HECW2: variants seen among roughly 807,000 people sequenced by gnomAD.
The protein encoded by HECW2 is HECT, C2 and WW domain containing E3 ubiquitin protein ligase 2.
Under a neutral mutation model 175.2 loss-of-function variants are expected in HECW2, and 61 were observed. The ratio of observed to expected loss-of-function variants is 0.35; its 90% confidence interval spans 0.28 to 0.43. The LOEUF is 0.43. HECW2 is among the 20% of genes least tolerant of loss of function. HECW2 has a pLI of 1.00. For synonymous variants in HECW2, 671 were observed against 731.0 expected (o/e 0.92, Z 1.32); for missense variants, 1,524 against 2,000.5 (o/e 0.76, Z 4.54).
chr2:196,268,687 G>C (rs1487595269), intron 17 of HECW2, among the ~76,000 whole-genome samples: 1 of 152,210 alleles, frequency 6.6e-6, no homozygotes, highest in African/African-American at 2.4e-5. Context: ...AAAACTTCTT[G>C]AGTTTCCTGT....
intron 1 of HECW2, among the ~76,000 whole-genome samples, chr2:196,554,645 TC>T (rs746990804): frequency 2.6e-5 from 4 of 152,214 alleles, no homozygotes; most frequent in Non-Finnish European, 4.4e-5. Flanking sequence ...TAACCTGCTT[TC>T]TAAAATCACT....
intron 2 of HECW2, among the ~76,000 whole-genome samples, chr2:196,400,632 G>A (rs1694791416): frequency 6.6e-6 from 1 of 151,992 alleles, no homozygotes; most frequent in South Asian, 2.1e-4. Context: ...GACCTTCTTG[G>A]ACTGAATCCC....
At chr2:196,390,357 G>C (rs1038601027) in intron 2 of HECW2, among the ~76,000 whole-genome samples, 2 of 152,140 alleles carry the variant, frequency 1.3e-5, no homozygotes, top group African/African-American at 4.8e-5. Context: ...ATGTCAACTT[G>C]ATAGTTTAAT....
At chr2:196,375,495 G>A (rs1694027966) in intron 2 of HECW2, among the ~76,000 whole-genome samples, 1 of 152,176 alleles carries the variant, frequency 6.6e-6, no homozygotes, top group East Asian at 1.9e-4. Flanking sequence ...TGAAATAATA[G>A]TTTTTGCCAG....
At chr2:196,515,562 C>T (rs968255801) in intron 1 of HECW2, among the ~76,000 whole-genome samples, 2 of 152,190 alleles carry the variant, frequency 1.3e-5, no homozygotes, top group Non-Finnish European at 2.9e-5. Context: ...GACCATGTAA[C>T]AACATGCAAC....
intron 1 of HECW2, among the ~76,000 whole-genome samples, chr2:196,496,368 G>A (rs1292462707): frequency 2.0e-5 from 3 of 151,618 alleles, no homozygotes; most frequent in Non-Finnish European, 2.9e-5. Context: ...GCAGTATGCT[G>A]GGTTGATATG....
At position 196,195,456 on chromosome 2, in the gene HECW2, T is replaced by G. The variant is rs1014016612; in HGVS notation, c.*5821A>C. ...AAACCATACAACTAGGGCCATCTTA[T>G]TCTGCTGAGCTGTTCAATTACGAAA... On this transcript the variant is annotated 3_prime_UTR_variant, in exon 29 of 29. Coordinates refer to ENST00000644978, the MANE Select transcript of HECW2 (RefSeq NM_001348768.2). 6.6e-6 allele frequency: 1 copy of G among 152,238 alleles called. No homozygotes were observed. The highest frequency in any genetic ancestry group is 1.9e-4 in the East Asian group (1 of 5,206). The allele number at this position is 152,238 out of a possible 1,614,324, so 9.4% of individuals were successfully genotyped here. A position where few individuals can be genotyped will look rare whatever the true frequency, so the allele number is the denominator to read the frequency against.
chr2:196,425,968 C>A (rs80189825), intron 2 of HECW2, among the ~76,000 whole-genome samples: 2,516 of 152,220 alleles, frequency 0.017, 67 homozygotes, highest in African/African-American at 0.057. Flanking sequence ...AACTTCACTA[C>A]TGTCTTATTT....
Position 196,215,846 on chromosome 2 carries a change from A to C in HECW2, c.4607+19T>G. 6.6e-7 allele frequency: 1 copy of C among 1,506,354 alleles called. No homozygotes were observed. Among genetic ancestry groups the C allele is most frequent in the Non-Finnish European group, 9.2e-7 (1 of 1,082,016 alleles). The allele number at this position is 1,506,354 out of a possible 1,614,324, so 93.3% of individuals were successfully genotyped here. A position where few individuals can be genotyped will look rare whatever the true frequency, so the allele number is the denominator to read the frequency against. Reference sequence around the variant, plus strand: ...CACCAAATGTTGTGACAGTAAAGAAATGTTATTTTATATTTTACCTGGGAA... The same window carrying C: ...CACCAAATGTTGTGACAGTAAAGAACTGTTATTTTATATTTTACCTGGGAA... On this transcript the variant is annotated intron_variant, in intron 28 of 28. Transcript: ENST00000644978.
chr2:196,358,192 T>A (rs1343993612), intron 2 of HECW2, among the ~76,000 whole-genome samples: 1 of 152,172 alleles, frequency 6.6e-6, no homozygotes, highest in Non-Finnish European at 1.5e-5. Flanking sequence ...ATGATAGTAA[T>A]CACACTTCGG....
At chr2:196,307,807 G>A (rs1355187597) in intron 11 of HECW2, 128 bp downstream of exon 11, 3 of 808,286 alleles carry the variant, frequency 3.7e-6, no homozygotes, top group East Asian at 2.8e-5. Context: ...AATCAAAAGC[G>A]GTAACAGCTA....
intron 10 of HECW2, among the ~76,000 whole-genome samples, chr2:196,310,023 A>G (rs774482381): frequency 3.3e-4 from 50 of 152,210 alleles, no homozygotes; most frequent in Non-Finnish European, 5.7e-4. Flanking sequence ...CTTGAGGTCT[A>G]TATGTATAGC....
chr2:196,327,629 G>C (rs923552032), intron 5 of HECW2, among the ~76,000 whole-genome samples: 1 of 152,188 alleles, frequency 6.6e-6, no homozygotes, highest in African/African-American at 2.4e-5. Context: ...AATGTTCTCA[G>C]ATAAATATTA....
chr2:196,358,330 T>C (rs2105875101), intron 2 of HECW2, among the ~76,000 whole-genome samples: 1 of 147,814 alleles, frequency 6.8e-6, no homozygotes, highest in African/African-American at 2.6e-5. Flanking sequence ...TCCCAGCACT[T>C]TGGGAGGCTG....
At chr2:196,441,158 T>C (rs1006828025) in intron 1 of HECW2, among the ~76,000 whole-genome samples, 4 of 152,160 alleles carry the variant, frequency 2.6e-5, no homozygotes, top group Non-Finnish European at 5.9e-5. Flanking sequence ...TTATTGAAAA[T>C]AGTTTTGCTA....
At chr2:196,306,934 G>A (rs888327242) in intron 12 of HECW2, among the ~76,000 whole-genome samples, 196 bp downstream of exon 12, 5 of 152,114 alleles carry the variant, frequency 3.3e-5, no homozygotes, top group African/African-American at 1.2e-4. Flanking sequence ...CTTGGGTTTT[G>A]TGATTCCTTT....
At chr2:196,300,793 C>CT (rs1050097343) in intron 13 of HECW2, among the ~76,000 whole-genome samples, 1 of 152,024 alleles carries the variant, frequency 6.6e-6, no homozygotes, top group Non-Finnish European at 1.5e-5. Flanking sequence ...TATACACACA[C>CT]TTTTTTCTCC....
chr2:196,516,642 T>G (rs1688159400), intron 1 of HECW2, among the ~76,000 whole-genome samples: 1 of 152,214 alleles, frequency 6.6e-6, no homozygotes, highest in African/African-American at 2.4e-5. Flanking sequence ...CATTAGTCCC[T>G]TACTGAAAAA....
In HECW2 at chr2:196,415,140, T is replaced by C. The variant is rs141894163; in HGVS notation, c.292+17992A>G. Among the ~76,000 whole-genome samples the C allele has an allele frequency of 9.4e-4, 143 of 152,280 alleles. 2 individuals carry two copies. Among genetic ancestry groups the C allele is most frequent in the Middle Eastern group, 6.8e-3 (2 of 294 alleles). ...GGTGAGAGAGGAGTTGTTGATTTCA[T>C]AGGGGATTTCTCTGGGGCCACTGTC... On this transcript the variant is annotated intron_variant, in intron 2 of 28. Coordinates refer to ENST00000644978, the MANE Select transcript of HECW2 (RefSeq NM_001348768.2).
Sources: allele counts gnomAD v4.1 joint callset (sites outside exome capture counted in the v4.1 genomes callset), GRCh38; gene constraint gnomAD v4.1.1; transcripts MANE v1.5; gene names NCBI Gene and HGNC (gene_info 2026-07-23, HGNC 2026-07-21).